FRMD1: variants seen among roughly 807,000 people sequenced by gnomAD.
The protein encoded by FRMD1 is FERM domain-containing protein 1.
A neutral mutation model predicts 54.9 loss-of-function variants in FRMD1; 51 were observed. The observed-to-expected ratio is 0.93, with a 90% CI of 0.74 to 1.17. The LOEUF is 1.17. Ranked by LOEUF, FRMD1 falls within the 50% of genes most tolerant of loss-of-function variation. The probability of loss-of-function intolerance (pLI) is 0.00; values close to 1 mark genes in which losing one functional copy is unlikely to be tolerated. For synonymous variants in FRMD1, 324 were observed against 306.4 expected (o/e 1.06, Z -0.60); for missense variants, 729 against 743.0 (o/e 0.98, Z 0.22).
chr6:168,057,939 A>C (rs1252589654), intron 10 of FRMD1, among the ~76,000 whole-genome samples: 1 of 152,234 alleles, frequency 6.6e-6, no homozygotes, highest in Non-Finnish European at 1.5e-5. Flanking sequence ...GCCCAGCGCC[A>C]GGGTCTGACT....
chr6:168,076,773 A>G (rs975816452), intron 1 of FRMD1, among the ~76,000 whole-genome samples: 1 of 152,234 alleles, frequency 6.6e-6, no homozygotes, highest in African/African-American at 2.4e-5. Flanking sequence ...GGCAGGCCCC[A>G]CAATGACGGT....
upstream of FRMD1, among the ~76,000 whole-genome samples, chr6:168,080,466 A>C (rs1040008007): frequency 6.7e-4 from 102 of 151,954 alleles, no homozygotes; most frequent in African/African-American, 2.3e-3. Context: ...ACAAAAAAAA[A>C]CAGCCCCAGA....
rs1330147549 is a variant in FRMD1, at chr6:168,053,803, C to T, written c.*3294G>A. ...GATGCTCGGCTTGGGAACCACCTCTCCTGTGAGATCCCAGACACACAGGCA... is the reference window on the plus strand; with the variant it reads ...GATGCTCGGCTTGGGAACCACCTCTTCTGTGAGATCCCAGACACACAGGCA... On this transcript the variant is annotated 3_prime_UTR_variant, in exon 11 of 11. Coordinates refer to ENST00000283309, the MANE Select transcript of FRMD1 (RefSeq NM_024919.6). The T allele has an allele frequency of 6.6e-6, 1 of 152,270 alleles. No homozygotes were observed. The highest frequency in any genetic ancestry group is 1.5e-5 in the Non-Finnish European group (1 of 68,076). The allele number at this position is 152,270 out of a possible 1,614,324, so 9.4% of individuals were successfully genotyped here.
chr6:168,059,774 A>G lies in FRMD1; in HGVS notation c.1343-586T>C, dbSNP rs1045022820. Reference sequence around the variant, plus strand: ...GACTGGGCTGGACGCATCCCTCAGGACAGGGTGCTGCATCCTGGGCCAGGT... The same window carrying G: ...GACTGGGCTGGACGCATCCCTCAGGGCAGGGTGCTGCATCCTGGGCCAGGT... On this transcript the variant is annotated intron_variant, in intron 9 of 10. Coordinates refer to ENST00000283309, the MANE Select transcript of FRMD1 (RefSeq NM_024919.6). This position sits in a 1 kb window ranked among gnomAD's most constrained non-coding sequence, Gnocchi z 4.4. Among the ~76,000 whole-genome samples, 1 of 152,046 alleles carries G rather than the reference A, an allele frequency of 6.6e-6. No individual in the cohort carries two copies. The highest frequency in any genetic ancestry group is 2.1e-4 in the South Asian group (1 of 4,818).
chr6:168,075,196 A>T (rs200708445), intron 2 of FRMD1, 49 bp downstream of exon 2: 2 of 1,526,526 alleles, frequency 1.3e-6, no homozygotes, highest in Non-Finnish European at 1.8e-6. Context: ...GACCTCCAGC[A>T]GATGCGGCCC....
intron 9 of FRMD1, among the ~76,000 whole-genome samples, chr6:168,060,208 T>G (rs1201507308): frequency 1.6e-5 from 1 of 62,030 alleles, no homozygotes; most frequent in Non-Finnish European, 3.0e-5. Context: ...GGGGGCTTCC[T>G]AGGAGTGGGG....
chr6:168,089,620 T>A (rs1191863623), intron 1 of FRMD1, among the ~76,000 whole-genome samples: 1 of 152,202 alleles, frequency 6.6e-6, no homozygotes, highest in African/African-American at 2.4e-5. Flanking sequence ...GCTTCTGAAT[T>A]CTCTATGAGG....
intron 8 of FRMD1, 39 bp from the exon 9 acceptor site, chr6:168,061,096 A>C (rs777446637): frequency 6.3e-7 from 1 of 1,578,664 alleles, no homozygotes; most frequent in Admixed American, 1.8e-5. Flanking sequence ...CGAGCTGGAG[A>C]GGGACCAGCC....
Position 168,057,417 on chromosome 6 carries a change from T to C in FRMD1, c.1408-78A>G, listed in dbSNP as rs372600891. 8.3e-6 allele frequency: 13 copies of C among 1,563,162 alleles called. No individual in the cohort carries two copies. The East Asian group carries it at 1.6e-4, about 19-fold the overall frequency. The stretch of plus-strand genomic sequence containing the variant: ...CCGCACACGGCAGCCACACTGCTTG[T>C]GGCCACAGAGCCACACTCCCTGCCA... On this transcript the variant is annotated intron_variant, in intron 10 of 10. Transcript: ENST00000283309.
intron 2 of FRMD1, among the ~76,000 whole-genome samples, chr6:168,069,756 G>T (rs1800207430): frequency 6.6e-6 from 1 of 152,180 alleles, no homozygotes; most frequent in Non-Finnish European, 1.5e-5. Context: ...TCTAGAAGAT[G>T]AAACCACTTG....
At chr6:168,092,698 C>G (rs573617604) in intron 1 of FRMD1, among the ~76,000 whole-genome samples, 2 of 152,340 alleles carry the variant, frequency 1.3e-5, no homozygotes, top group African/African-American at 4.8e-5. Context: ...CTCCAGACTG[C>G]CAGGGCTGAT....
At chr6:168,066,928 T>G (rs1397720917) in intron 3 of FRMD1, 97 bp from the exon 4 acceptor site, 3 of 1,488,704 alleles carry the variant, frequency 2.0e-6, no homozygotes, top group African/African-American at 2.8e-5. Context: ...TGCTTCACAC[T>G]CAGCTTAAAG....
chr6:168,085,982 C>T (rs184525257), upstream of FRMD1, among the ~76,000 whole-genome samples: 3 of 152,304 alleles, frequency 2.0e-5, no homozygotes, highest in East Asian at 3.9e-4. Context: ...CAAAGTTTGG[C>T]GAAAAAGTGC....
At chr6:168,085,216 C>T (rs1373818455), upstream of FRMD1, among the ~76,000 whole-genome samples, 2 of 152,234 alleles carry the variant, frequency 1.3e-5, no homozygotes, top group East Asian at 3.8e-4. Context: ...TAGAAAGGCC[C>T]CAACCTGAGG....
upstream of FRMD1, among the ~76,000 whole-genome samples, chr6:168,079,793 C>A (rs931364227): frequency 4.6e-5 from 7 of 152,170 alleles, no homozygotes; most frequent in Non-Finnish European, 1.0e-4. Flanking sequence ...TCCTGGCTTG[C>A]GTGGACAGCA....
chr6:168,075,988 T>C (rs1017633337), intron 1 of FRMD1: 1 of 1,040,994 alleles, frequency 9.6e-7, no homozygotes, highest in Admixed American at 2.1e-5. Flanking sequence ...GCGTCTCGCA[T>C]GTGACACTAC....
chr6:168,078,423 C>T (rs187198640), intron 1 of FRMD1, among the ~76,000 whole-genome samples: 1 of 152,178 alleles, frequency 6.6e-6, no homozygotes, highest in East Asian at 1.9e-4. Flanking sequence ...AGTGAAAGGG[C>T]TGGCCCTTGA....
upstream of FRMD1, among the ~76,000 whole-genome samples, chr6:168,085,345 C>T (rs1055816410): frequency 2.6e-5 from 4 of 152,386 alleles, no homozygotes; most frequent in African/African-American, 9.6e-5. Context: ...ACACTCCAGC[C>T]TCCCTCCACA....
chr6:168,072,037 A>T (rs1305809243), intron 2 of FRMD1, among the ~76,000 whole-genome samples: 1 of 152,240 alleles, frequency 6.6e-6, no homozygotes, highest in Non-Finnish European at 1.5e-5. Context: ...TCGAAAGGGA[A>T]ACAGGGTTAG....
Sources: allele counts gnomAD v4.1 joint callset (sites outside exome capture counted in the v4.1 genomes callset), GRCh38; gene constraint gnomAD v4.1.1; non-coding constraint Gnocchi (gnomAD v3.1); transcripts MANE v1.5; gene names NCBI Gene and HGNC (gene_info 2026-07-23, HGNC 2026-07-21).